RNF13: variants seen among roughly 807,000 people sequenced by gnomAD.
RNF13 encodes E3 ubiquitin-protein ligase RNF13.
RNF13 carries 19 observed loss-of-function variants against 37.7 expected under a neutral mutation model. The observed-to-expected ratio is 0.50, with a 90% CI of 0.35 to 0.74. RNF13 has a LOEUF of 0.74. Ranked by LOEUF, RNF13 falls within the 30% of genes least tolerant of loss-of-function variation. The pLI, the probability that RNF13 is intolerant of heterozygous loss-of-function variation, is 0.01. For missense variants in RNF13, 375 were observed against 453.0 expected (o/e 0.83, Z 1.56); for synonymous variants, 144 against 157.8 (o/e 0.91, Z 0.65).
At chr3:149,936,759 C>T (rs552125577) in intron 8 of RNF13, among the ~76,000 whole-genome samples, 5 of 151,960 alleles carry the variant, frequency 3.3e-5, no homozygotes, top group Non-Finnish European at 5.9e-5. Flanking sequence ...GGTCGTGGTT[C>T]CCTGTTTGAT....
intron 8 of RNF13, among the ~76,000 whole-genome samples, chr3:149,952,492 G>C (rs1433073807): frequency 1.3e-5 from 2 of 152,076 alleles, no homozygotes; most frequent in African/African-American, 4.8e-5. Context: ...ACATAAATTT[G>C]AGTTTGTTGA....
At chr3:149,871,623 T>G (rs1039987693) in intron 3 of RNF13, among the ~76,000 whole-genome samples, 3 of 151,954 alleles carry the variant, frequency 2.0e-5, no homozygotes, top group African/African-American at 7.3e-5. Context: ...AGGCTAGCAT[T>G]TCTGCAGAAT....
chr3:149,924,492 T>C (rs1470008255), intron 8 of RNF13, among the ~76,000 whole-genome samples: 1 of 152,028 alleles, frequency 6.6e-6, no homozygotes, highest in Admixed American at 6.6e-5. Flanking sequence ...ACCAATTACA[T>C]AGGAAGAAAA....
intron 8 of RNF13, among the ~76,000 whole-genome samples, chr3:149,948,709 GTAA>G: frequency 6.6e-6 from 1 of 152,238 alleles, no homozygotes; most frequent in South Asian, 2.1e-4. Context: ...ATCATTTAAT[GTAA>G]TTATTACTTT....
At chr3:149,900,599 T>C (rs1715726463) in intron 5 of RNF13, among the ~76,000 whole-genome samples, 1 of 151,692 alleles carries the variant, frequency 6.6e-6, no homozygotes, top group African/African-American at 2.4e-5. Flanking sequence ...AAAATAAAAA[T>C]AAAAATAAAT....
intron 1 of RNF13, among the ~76,000 whole-genome samples, chr3:149,841,965 C>T (rs1054253136): frequency 6.6e-6 from 1 of 152,120 alleles, no homozygotes; most frequent in Non-Finnish European, 1.5e-5. Context: ...TTTAGACCCT[C>T]TTGCGCCTTC....
At chr3:149,850,757 G>T (rs2108386333) in intron 2 of RNF13, among the ~76,000 whole-genome samples, 1 of 152,218 alleles carries the variant, frequency 6.6e-6, no homozygotes, top group Admixed American at 6.5e-5. Context: ...ATCTTTGGCT[G>T]GGATGAATTA....
At chr3:149,815,206 AGC>A (rs1485298371) in intron 1 of RNF13, among the ~76,000 whole-genome samples, 5 of 152,274 alleles carry the variant, frequency 3.3e-5, no homozygotes, top group African/African-American at 7.2e-5. Context: ...CACTAACTTT[AGC>A]TAAGTGAGGG....
intron 4 of RNF13, among the ~76,000 whole-genome samples, chr3:149,877,869 CT>C (rs1322283019): frequency 1.3e-5 from 2 of 152,244 alleles, no homozygotes; most frequent in East Asian, 3.9e-4. Context: ...CAGCTTTGTG[CT>C]GCTAATTCAT....
intron 8 of RNF13, among the ~76,000 whole-genome samples, chr3:149,949,373 G>A (rs140353048): frequency 2.1e-4 from 32 of 150,068 alleles, no homozygotes; most frequent in African/African-American, 7.8e-4. Flanking sequence ...AGCCTGCAGG[G>A]TTTCTGCTAA....
At chr3:149,912,122 A>G (rs767985114) in intron 7 of RNF13, 39 bp downstream of exon 7, 1 of 979,250 alleles carries the variant, frequency 1.0e-6, no homozygotes, top group Admixed American at 1.9e-5. Context: ...AAAAAATAGT[A>G]TGGATGAATC....
intron 2 of RNF13, among the ~76,000 whole-genome samples, chr3:149,846,966 C>T (rs966337860): frequency 1.3e-5 from 2 of 152,152 alleles, no homozygotes; most frequent in African/African-American, 2.4e-5. Flanking sequence ...AAAACCTTAG[C>T]ATAGCCTCTC....
intron 8 of RNF13, among the ~76,000 whole-genome samples, chr3:149,951,716 C>T (rs760731075): frequency 1.3e-5 from 2 of 152,170 alleles, no homozygotes; most frequent in African/African-American, 2.4e-5. Context: ...AAGCATGTAA[C>T]ACATACTATT....
intron 1 of RNF13, among the ~76,000 whole-genome samples, chr3:149,826,450 C>A (rs1720514818): frequency 6.6e-6 from 1 of 152,162 alleles, no homozygotes; most frequent in African/African-American, 2.4e-5. Flanking sequence ...TACTTCAAAT[C>A]ATTTCATCTC....
chr3:149,843,431 C>T (rs1026812512), intron 1 of RNF13, among the ~76,000 whole-genome samples: 1 of 152,066 alleles, frequency 6.6e-6, no homozygotes, highest in African/African-American at 2.4e-5. Context: ...TTTCATTTTC[C>T]CCACATTTTC....
chr3:149,912,683 A>G (rs2108519700), intron 7 of RNF13, among the ~76,000 whole-genome samples: 1 of 152,228 alleles, frequency 6.6e-6, no homozygotes, highest in South Asian at 2.1e-4. Context: ...ACTCTTCTGT[A>G]TGTTTGAAAT....
chr3:149,855,644 TC>T (rs1723578564), intron 3 of RNF13, among the ~76,000 whole-genome samples: 1 of 151,548 alleles, frequency 6.6e-6, no homozygotes, highest in African/African-American at 2.4e-5. Context: ...GTATTTTTTT[TC>T]CCCCAAAGTT....
At chr3:149,928,473 G>A (rs1718862130) in intron 8 of RNF13, among the ~76,000 whole-genome samples, 2 of 152,002 alleles carry the variant, frequency 1.3e-5, no homozygotes, top group Admixed American at 1.3e-4. Flanking sequence ...AAAATAAGTT[G>A]GCCATAGATG....
chr3:149,861,508 G>C (rs1724252559), intron 3 of RNF13, among the ~76,000 whole-genome samples: 1 of 152,176 alleles, frequency 6.6e-6, no homozygotes, highest in South Asian at 2.1e-4. Context: ...ATTATGTCAA[G>C]TGGAATTATA....
Sources: gnomAD v4.1 joint callset for allele counts (sites outside exome capture counted in the v4.1 genomes callset) on GRCh38, gnomAD v4.1.1 for gene constraint, MANE v1.5 for transcripts, NCBI Gene and HGNC (gene_info 2026-07-23, HGNC 2026-07-21) for gene names.